The following ASAH1 variants were observed in gnomAD, a reference collection of about 807,000 sequenced individuals.
ASAH1 encodes N-acylsphingosine amidohydrolase 1, also known as acid ceramidase.
In ASAH1, 70 loss-of-function variants were observed where a neutral mutation model predicts 59.5. That is an observed-to-expected ratio of 1.18 (90% CI 0.97 to 1.43). The LOEUF (loss-of-function observed/expected upper bound fraction) is 1.43, where lower values mean the gene tolerates loss of function less well. Among genes scored for constraint, ASAH1 ranks in the 40% most tolerant of loss-of-function variants. The pLI is 0.00. For missense variants in ASAH1, 660 were observed against 482.5 expected, an observed-to-expected ratio of 1.37 and a Z score of -3.45; for synonymous variants, 213 against 166.5, an observed-to-expected ratio of 1.28 and a Z score of -2.15.
chr8:18,063,510 G>A (rs1799799857), intron 6 of ASAH1: 2 of 333,344 alleles, frequency 6.0e-6, no homozygotes, highest in Admixed American at 4.6e-5. Flanking sequence ...GTAGAGAAGG[G>A]GTTTTACCAT....
At chr8:18,066,422 C>CAAAAAAAAAAA (rs35999931) in intron 5 of ASAH1, 2 of 127,336 alleles carry the variant, frequency 1.6e-5, no homozygotes, top group East Asian at 2.2e-4. Flanking sequence ...CAAAGAAAAC[C>CAAAAAAAAAAA]AAAAAAAAAA....
At chr8:18,063,005 G>A (rs1192973086) in intron 7 of ASAH1, 180 bp downstream of exon 7, 30 of 616,236 alleles carry the variant, frequency 4.9e-5, no homozygotes, top group Non-Finnish European at 8.1e-5. Context: ...AAGTAGCCGG[G>A]ATTACAGATG....
At chr8:18,062,735 T>C in intron 7 of ASAH1, 4 of 416,964 alleles carry the variant, frequency 9.6e-6, no homozygotes, top group South Asian at 4.5e-5. Context: ...TAGAAGAGCA[T>C]GTCCCTCTTG....
intron 4 of ASAH1, chr8:18,067,764 C>CT (rs1367567690): frequency 1.3e-5 from 2 of 152,470 alleles, no homozygotes; most frequent in Non-Finnish European, 2.9e-5. Flanking sequence ...ATCCATAGCC[C>CT]TGTGTCATGG....
chr8:18,076,535 T>C (rs1589000804), intron 1 of ASAH1: 1 of 151,356 alleles, frequency 6.6e-6, no homozygotes, highest in East Asian at 1.9e-4. Flanking sequence ...TTGTTACTCA[T>C]TCAACATATC....
At chr8:18,084,325 G>C, upstream of ASAH1, 1 of 1,421,944 alleles carries the variant, frequency 7.0e-7, no homozygotes, top group Non-Finnish European at 9.2e-7. Context: ...GGCGCGTGGC[G>C]TGATCCATCC....
At chr8:18,070,753 T>G (rs986904890) in intron 3 of ASAH1, among the ~76,000 whole-genome samples, 2 of 152,200 alleles carry the variant, frequency 1.3e-5, no homozygotes, top group African/African-American at 4.8e-5. Flanking sequence ...TGCTGTCACT[T>G]AACGTATAGG....
At chr8:18,073,697 T>C (rs1450078251) in intron 2 of ASAH1, among the ~76,000 whole-genome samples, 1 of 152,144 alleles carries the variant, frequency 6.6e-6, no homozygotes, top group African/African-American at 2.4e-5. Context: ...GCTGCCCAAA[T>C]CTACGCACTT....
intron 5 of ASAH1, 110 bp downstream of exon 5, chr8:18,067,110 C>CTGTATATCTAAGACATACAGCACCTGTGT: frequency 8.1e-6 from 4 of 491,786 alleles, no homozygotes; most frequent in Non-Finnish European, 1.1e-5. Context: ...TGCACCTGTG[C>CTGTATATCTAAGACATACAGCACCTGTGT]TGTATATCTA....
At chr8:18,058,996 T>C in intron 12 of ASAH1, 105 bp from the exon 13 acceptor site, 1 of 982,474 alleles carries the variant, frequency 1.0e-6, no homozygotes, top group South Asian at 1.4e-5. Context: ...TTAATCAACC[T>C]CCCCTCCATC....
At chr8:18,061,190 A>C in intron 10 of ASAH1, 187 bp downstream of exon 10, 1 of 516,372 alleles carries the variant, frequency 1.9e-6, no homozygotes, top group South Asian at 2.6e-5. Context: ...TAATTCATTT[A>C]TTTGCTATAA....
chr8:18,069,601 T>A, intron 4 of ASAH1, 191 bp downstream of exon 4: 1 of 535,866 alleles, frequency 1.9e-6, no homozygotes, highest in Non-Finnish European at 3.4e-6. Flanking sequence ...TACGAAACCA[T>A]AATTTGCTAT....
At chr8:18,070,399 C>T (rs183307231) in intron 3 of ASAH1, among the ~76,000 whole-genome samples, 59 of 152,252 alleles carry the variant, frequency 3.9e-4, no homozygotes, top group Non-Finnish European at 7.4e-4. Context: ...CCACCCGCCT[C>T]GGCCTCCCAA....
chr8:18,062,532 C>A, intron 7 of ASAH1, 109 bp from the exon 8 acceptor site: 6 of 1,200,372 alleles, frequency 5.0e-6, no homozygotes, highest in Non-Finnish European at 7.4e-6. Context: ...CGAGTCACCA[C>A]GATCAATCCT....
At chr8:18,080,840 G>A (rs1333534941) in intron 1 of ASAH1, among the ~76,000 whole-genome samples, 1 of 152,224 alleles carries the variant, frequency 6.6e-6, no homozygotes, top group Non-Finnish European at 1.5e-5. Flanking sequence ...TTACAGGCAT[G>A]AGCCACCGCG....
At chr8:18,084,447 G>C (rs959766308), upstream of ASAH1, 5 of 1,359,334 alleles carry the variant, frequency 3.7e-6, no homozygotes, top group South Asian at 2.9e-5. Context: ...GGCGGGTGCA[G>C]CCTGTCCCGC....
upstream of ASAH1, chr8:18,084,422 G>T: frequency 1.4e-6 from 2 of 1,382,188 alleles, no homozygotes; most frequent in Admixed American, 3.0e-5. Context: ...GCGCCTCGAT[G>T]GGGCGCCTCT....
intron 4 of ASAH1, 80 bp from the exon 5 acceptor site, chr8:18,067,378 A>G: frequency 1.1e-6 from 1 of 901,360 alleles, no homozygotes; most frequent in East Asian, 3.8e-5. Context: ...CAAATATAAT[A>G]AAAGCATGCT....
At chr8:18,065,292 G>A (rs548707387) in intron 5 of ASAH1, 1 of 151,994 alleles carries the variant, frequency 6.6e-6, no homozygotes, top group South Asian at 2.1e-4. Flanking sequence ...TGAGTTGCTA[G>A]AGTTCTTTAC....
Sources: gnomAD v4.1 joint callset for allele counts (sites outside exome capture counted in the v4.1 genomes callset) on GRCh38, gnomAD v4.1.1 for gene constraint, MANE v1.5 for transcripts, NCBI Gene and HGNC (gene_info 2026-07-23, HGNC 2026-07-21) for gene names.